The following POLI variants were observed in gnomAD, a reference collection of about 807,000 sequenced individuals.
The protein encoded by POLI is RAD30 homolog B.
In POLI, 58 loss-of-function variants were observed where a neutral mutation model predicts 51.6. The ratio of observed to expected loss-of-function variants is 1.12; its 90% CI spans 0.91 to 1.40. The LOEUF (loss-of-function observed/expected upper bound fraction) is 1.40, where lower values mean the gene tolerates loss of function less well. Ranked by LOEUF, POLI falls within the 40% of genes most tolerant of loss-of-function variation. POLI has a pLI of 0.00. For synonymous variants in POLI, 322 were observed against 299.7 expected (o/e 1.07, Z -0.77); for missense variants, 921 against 871.3 (o/e 1.06, Z -0.72).
rs779161589 is a variant in POLI, at chr18:54,287,241, C to T, written c.1068-40C>T. Reference sequence around the variant, plus strand: ...TGTTACATAATTTAAAAAGGTAATACTTTTCTAATTCCTTATTTCCACTTT... The same window carrying T: ...TGTTACATAATTTAAAAAGGTAATATTTTTCTAATTCCTTATTTCCACTTT... On this transcript the variant is annotated intron_variant, in intron 7 of 9. Transcript: ENST00000579534. 6 of 1,429,286 alleles carry T rather than the reference C, an allele frequency of 4.2e-6. No individual in the cohort carries two copies. The South Asian group carries it at 6.3e-5, about 15-fold the overall frequency. The allele number at this position is 1,429,286 out of a possible 1,614,324, so 88.5% of individuals were successfully genotyped here.
chr18:54,294,593 G>A lies in POLI; in HGVS notation c.*126G>A. On this transcript the variant is annotated 3_prime_UTR_variant, in exon 10 of 10. Transcript: ENST00000579534. ...AACGGAGTAAACTGTTCCAGATAAA[G>A]CAAGAATAGTTGCAAGAAGTAAATT... 7.6e-7 allele frequency: 1 copy of A among 1,308,572 alleles called. No individual in the cohort carries two copies. The highest frequency in any genetic ancestry group is 9.7e-7 in the Non-Finnish European group (1 of 1,032,104). 81.1% of individuals were successfully genotyped at this position (1,308,572 alleles called of 1,614,324 possible). A position where few individuals can be genotyped will look rare whatever the true frequency, so the allele number is the denominator to read the frequency against.
At chr18:54,270,383 A>C (rs1390771137) in intron 1 of POLI, 2 of 152,234 alleles carry the variant, frequency 1.3e-5, no homozygotes, top group Admixed American at 6.5e-5. Flanking sequence ...GGCTGGTCTC[A>C]AACTCCAGCC....
downstream of POLI, among the ~76,000 whole-genome samples, chr18:54,298,417 C>CTTTT (rs1346527890): frequency 6.6e-6 from 1 of 152,058 alleles, no homozygotes; most frequent in Non-Finnish European, 1.5e-5. Context: ...CCTAAATCAT[C>CTTTT]TTTTTAGCAT....
intron 8 of POLI, among the ~76,000 whole-genome samples, chr18:54,288,074 T>A (rs982590978): frequency 6.6e-6 from 1 of 152,228 alleles, no homozygotes; most frequent in Non-Finnish European, 1.5e-5. Context: ...AATTGCTGGA[T>A]CATATGGTAA....
intron 1 of POLI, chr18:54,270,678 G>A (rs2086965635): frequency 6.6e-6 from 1 of 152,176 alleles, no homozygotes; most frequent in Admixed American, 6.5e-5. Flanking sequence ...TATTTTGCCT[G>A]TCTTGTTTTT....
Position 54,277,630 on chromosome 18 carries a change from A to C in POLI, c.407-73A>C, listed in dbSNP as rs936428902. 35 of 856,916 alleles carry C rather than the reference A, an allele frequency of 4.1e-5. No individual in the cohort carries two copies. In the African/African-American group the frequency reaches 5.6e-4, roughly 14 times the overall value. The allele number at this position is 856,916 out of a possible 1,614,324, so 53.1% of individuals were successfully genotyped here. On this transcript the variant is annotated intron_variant, in intron 3 of 9. Transcript: ENST00000579534. ...TTAACAATAAATTTGATAAATTTTT[A>C]AGCACTAGATAGTTAAATTTATCCT...
At chr18:54,279,471 A>G (rs955463530) in intron 4 of POLI, among the ~76,000 whole-genome samples, 12 of 151,812 alleles carry the variant, frequency 7.9e-5, no homozygotes, top group Admixed American at 2.0e-4. Context: ...TTGAACTCCT[A>G]ATCTCAGATG....
chr18:54,307,481 G>C (rs2088606462), intron 3 of POLI, among the ~76,000 whole-genome samples: 1 of 152,176 alleles, frequency 6.6e-6, no homozygotes. Flanking sequence ...TTTTACGTTT[G>C]CTGAGGAGTG....
intron 3 of POLI, among the ~76,000 whole-genome samples, chr18:54,303,609 A>C (rs191887981): frequency 6.6e-6 from 1 of 152,140 alleles, no homozygotes; most frequent in African/African-American, 2.4e-5. Flanking sequence ...CTGGATGAGG[A>C]TGTGTCACTC....
Position 54,296,242 on chromosome 18 carries a change from A to G in POLI, c.*1775A>G, listed in dbSNP as rs1018354233. ...AGGGGCTTAAGAAAAAATGGCTAAG[A>G]AAACAAAGTAAATGGTTTTGGCCAG... is the stretch of plus-strand genomic sequence containing the variant. On this transcript the variant is annotated 3_prime_UTR_variant, in exon 10 of 10. Coordinates refer to ENST00000579534, the MANE Select transcript of POLI (RefSeq NM_007195.3). 1.0e-6 allele frequency: 1 copy of G among 985,402 alleles called. No individual in the cohort carries two copies. Among genetic ancestry groups the G allele is most frequent in the East Asian group, 1.1e-4 (1 of 8,818 alleles). The allele number at this position is 985,402 out of a possible 1,614,324, so 61.0% of individuals were successfully genotyped here.
At chr18:54,301,726 C>G (rs2088494287), downstream of POLI, among the ~76,000 whole-genome samples, 1 of 152,152 alleles carries the variant, frequency 6.6e-6, no homozygotes, top group Non-Finnish European at 1.5e-5. Context: ...CTGCTGGGCT[C>G]TCTCTGGCTT....
chr18:54,319,622 C>T (rs1470313366), intron 3 of POLI, among the ~76,000 whole-genome samples: 1 of 151,814 alleles, frequency 6.6e-6, no homozygotes, highest in Admixed American at 6.6e-5. Flanking sequence ...GTATTACTTA[C>T]CTTTAAACCT....
intron 7 of POLI, among the ~76,000 whole-genome samples, chr18:54,285,902 G>C (rs145480544): frequency 1.3e-5 from 2 of 152,224 alleles, no homozygotes; most frequent in Non-Finnish European, 2.9e-5. Context: ...ATAGGGTCTT[G>C]CTCTGTCACC....
At chr18:54,314,388 T>C (rs909149941) in intron 3 of POLI, among the ~76,000 whole-genome samples, 1 of 152,172 alleles carries the variant, frequency 6.6e-6, no homozygotes, top group African/African-American at 2.4e-5. Context: ...ATTTTGTTTA[T>C]GGTTTTTGCA....
At position 54,295,998 on chromosome 18, in the gene POLI, A is replaced by C; in HGVS notation, c.*1531A>C. 1.0e-6 allele frequency: 1 copy of C among 985,098 alleles called. No individual in the cohort carries two copies. Among genetic ancestry groups the C allele is most frequent in the Non-Finnish European group, 1.2e-6 (1 of 829,634 alleles). The allele number at this position is 985,098 out of a possible 1,614,324, so 61.0% of individuals were successfully genotyped here. A position where few individuals can be genotyped will look rare whatever the true frequency, so the allele number is the denominator to read the frequency against. On this transcript the variant is annotated 3_prime_UTR_variant, in exon 10 of 10. Transcript: ENST00000579534. ...AATATGCTAACACGAAGGATTGTAA[A>C]TAGGTAGTTTGAGGTTATCAGGAAC...
In POLI at chr18:54,280,818, C is replaced by T; in HGVS notation, c.711C>T (p.Val237=). ...NKLLAKLVSG[V]FKPNQQTVLL... ...TGTTGGCAAAATTAGTTTCTGGTGTCTTTAAACCAAATCAACAAACAGTCT... is the reference window on the plus strand; with the variant it reads ...TGTTGGCAAAATTAGTTTCTGGTGTTTTTAAACCAAATCAACAAACAGTCT... Residue 237 remains valine, a synonymous_variant, in exon 5 of 10, where the codon GTC becomes GTT. Coordinates refer to ENST00000579534, the MANE Select transcript of POLI (RefSeq NM_007195.3). 1 of 1,613,638 alleles carries T rather than the reference C, an allele frequency of 6.2e-7. No individual in the cohort carries two copies. Among genetic ancestry groups the T allele is most frequent in the Non-Finnish European group, 8.5e-7 (1 of 1,179,698 alleles).
intron 3 of POLI, among the ~76,000 whole-genome samples, chr18:54,276,290 G>A (rs2087237764): frequency 6.6e-6 from 1 of 152,118 alleles, no homozygotes; most frequent in Non-Finnish European, 1.5e-5. Flanking sequence ...GGGCCCAGGA[G>A]GTCAAGGCTG....
At chr18:54,310,452 C>G (rs1380495213) in intron 3 of POLI, among the ~76,000 whole-genome samples, 1 of 150,430 alleles carries the variant, frequency 6.6e-6, no homozygotes, top group South Asian at 2.1e-4. Flanking sequence ...GTGGAATTCT[C>G]TCTTATCCTG....
At chr18:54,280,525 A>T (rs1325475913) in intron 4 of POLI, 142 bp from the exon 5 acceptor site, 6 of 624,286 alleles carry the variant, frequency 9.6e-6, no homozygotes, top group Non-Finnish European at 1.7e-5. Flanking sequence ...CAAATATCAC[A>T]ACCATACCAG....
Sources: allele counts gnomAD v4.1 joint callset (sites outside exome capture counted in the v4.1 genomes callset), GRCh38; gene constraint gnomAD v4.1.1; transcripts MANE v1.5; gene names NCBI Gene and HGNC (gene_info 2026-07-23, HGNC 2026-07-21).